The following ITPK1 variants were observed in gnomAD, a reference collection of about 807,000 sequenced individuals.
The protein encoded by ITPK1 is inositol-tetrakisphosphate 1-kinase, also known as inositol 1,3,4-trisphosphate 5/6-kinase.
In ITPK1, 21 loss-of-function variants were observed where a neutral mutation model predicts 45.3. That is an observed-to-expected ratio of 0.46 (90% CI 0.33 to 0.67). ITPK1 has a LOEUF of 0.67. Ranked by LOEUF, ITPK1 falls within the 30% of genes least tolerant of loss-of-function variation. The probability of loss-of-function intolerance (pLI) is 0.02; values close to 1 mark genes in which losing one functional copy is unlikely to be tolerated. For missense variants in ITPK1, 474 were observed against 573.5 expected (o/e 0.83, Z 1.77); for synonymous variants, 258 against 253.6 (o/e 1.02, Z -0.16).
At chr14:92,967,891 A>C (rs1885458436) in intron 5 of ITPK1, among the ~76,000 whole-genome samples, 1 of 152,222 alleles carries the variant, frequency 6.6e-6, no homozygotes, top group East Asian at 1.9e-4. Flanking sequence ...TTAATGGTTG[A>C]CAGGAGCTGG....
chr14:93,033,185 G>A (rs1157267299), intron 3 of ITPK1, among the ~76,000 whole-genome samples: 2 of 152,238 alleles, frequency 1.3e-5, no homozygotes, highest in African/African-American at 2.4e-5. Context: ...CTACAGGTGA[G>A]AGTAGGACCG....
intron 3 of ITPK1, among the ~76,000 whole-genome samples, chr14:93,054,132 G>C (rs1195650547): frequency 6.6e-6 from 1 of 152,178 alleles, no homozygotes; most frequent in African/African-American, 2.4e-5. Flanking sequence ...TGCTAGCCTG[G>C]GATTCACCCC....
At chr14:93,105,590 C>T (rs1450336394) in intron 2 of ITPK1, among the ~76,000 whole-genome samples, 4 of 149,338 alleles carry the variant, frequency 2.7e-5, no homozygotes, top group Admixed American at 1.3e-4. Context: ...GACGCAATCT[C>T]GGCTCACCAC....
intron 9 of ITPK1, among the ~76,000 whole-genome samples, chr14:92,948,777 C>T (rs1767273114): frequency 7.2e-6 from 1 of 138,724 alleles, no homozygotes; most frequent in African/African-American, 2.9e-5. Context: ...AAGCGCTGAG[C>T]AGGGACCCAC....
At chr14:93,089,101 C>T (rs868110301) in intron 2 of ITPK1, among the ~76,000 whole-genome samples, 1 of 152,210 alleles carries the variant, frequency 6.6e-6, no homozygotes, top group Non-Finnish European at 1.5e-5. Flanking sequence ...TGCCTCTCCA[C>T]CCAACCACCT....
intron 8 of ITPK1, among the ~76,000 whole-genome samples, chr14:92,956,588 C>A (rs1449832255): frequency 6.6e-6 from 1 of 152,068 alleles, no homozygotes; most frequent in Non-Finnish European, 1.5e-5. Flanking sequence ...CAGCATTTTG[C>A]AACCAGAAGG....
chr14:92,962,187 C>T (rs887779342), intron 7 of ITPK1, among the ~76,000 whole-genome samples, 168 bp downstream of exon 7: 1 of 152,216 alleles, frequency 6.6e-6, no homozygotes, highest in African/African-American at 2.4e-5. Context: ...AGCACTCCCG[C>T]TCGATTCCTC....
chr14:93,006,301 A>G (rs1047813847), intron 4 of ITPK1, among the ~76,000 whole-genome samples: 6 of 152,274 alleles, frequency 3.9e-5, no homozygotes, highest in African/African-American at 1.4e-4. Context: ...CGCCAACAAC[A>G]ACCCATCCCC....
chr14:92,985,558 G>A (rs1376122903), intron 5 of ITPK1, among the ~76,000 whole-genome samples: 1 of 151,626 alleles, frequency 6.6e-6, no homozygotes, highest in Non-Finnish European at 1.5e-5. Context: ...AAGCCCGCTT[G>A]TGTTACATGA....
chr14:93,016,667 C>G lies in ITPK1; in HGVS notation c.246+9G>C, dbSNP rs760510990. ...TGCCACAGCCAAGGGCTGCATGGTCCTCACTCACCTGGAACCTGTGCACCA... is the reference window on the plus strand; with the variant it reads ...TGCCACAGCCAAGGGCTGCATGGTCGTCACTCACCTGGAACCTGTGCACCA... On this transcript the variant is annotated intron_variant, in intron 4 of 10. Transcript: ENST00000267615. The surrounding 1 kb of genome is among the most constrained non-coding windows in gnomAD (Gnocchi z 5.0). 6.2e-7 allele frequency: 1 copy of G among 1,613,830 alleles called. No homozygotes were observed. Among genetic ancestry groups the G allele is most frequent in the East Asian group, 2.2e-5 (1 of 44,886 alleles).
intron 7 of ITPK1, 117 bp downstream of exon 7, chr14:92,962,238 C>T: frequency 1.2e-6 from 1 of 805,100 alleles, no homozygotes; most frequent in Non-Finnish European, 2.2e-6. Flanking sequence ...ACCAAGGAGC[C>T]AGGACTAACA....
At chr14:93,079,350 C>T (rs1173625874) in intron 2 of ITPK1, among the ~76,000 whole-genome samples, 1 of 152,224 alleles carries the variant, frequency 6.6e-6, no homozygotes, top group Non-Finnish European at 1.5e-5. Context: ...CCTTGAAGCT[C>T]ACCACTCACC....
chr14:92,991,002 GCCGGGGCAGGGGGGGTGACAA>G (rs1193084018), intron 5 of ITPK1, among the ~76,000 whole-genome samples: 19 of 151,902 alleles, frequency 1.3e-4, no homozygotes, highest in Admixed American at 2.6e-4. Context: ...CAGTCTTACT[GCCGGGGCAGGGGGGGTGACAA>G]CCGGGGCAGG....
chr14:92,957,637 A>T (rs572041880), intron 8 of ITPK1, among the ~76,000 whole-genome samples: 1 of 152,348 alleles, frequency 6.6e-6, no homozygotes, highest in East Asian at 1.9e-4. Flanking sequence ...CCACTGACTC[A>T]AAACACGCTC....
chr14:92,959,498 G>C (rs1181161788), intron 7 of ITPK1, among the ~76,000 whole-genome samples: 2 of 152,208 alleles, frequency 1.3e-5, no homozygotes, highest in Non-Finnish European at 2.9e-5. Context: ...GGGGCGTTGG[G>C]GGGCAGTGAA....
intron 5 of ITPK1, among the ~76,000 whole-genome samples, chr14:92,963,843 A>G (rs1308566090): frequency 6.6e-6 from 1 of 152,196 alleles, no homozygotes; most frequent in East Asian, 1.9e-4. Flanking sequence ...CTTCCCTGAT[A>G]AGACCACAAA....
Position 92,993,968 on chromosome 14 carries a change from G to A in ITPK1, c.276C>T (p.Ile92=), listed in dbSNP as rs138902553. 9.9e-6 allele frequency: 16 copies of A among 1,613,748 alleles called. No individual in the cohort carries two copies. The East Asian group carries it at 1.8e-4, about 18-fold the overall frequency. The change falls in exon 5 of 11, where the codon ATC becomes ATT. Residue 92 remains isoleucine (I), a synonymous_variant. Coordinates refer to ENST00000267615, the MANE Select transcript of ITPK1 (RefSeq NM_014216.6). The stretch of plus-strand genomic sequence containing the variant: ...TGATGGCAGGGAGCGGGTCCAGGAC[G>A]ATGGTCTCAGGGTGGGCATCGATGT... ...QEYIDAHPET[I]VLDPLPAIRT...
chr14:93,096,046 C>T (rs562181534), intron 2 of ITPK1, among the ~76,000 whole-genome samples: 64 of 152,246 alleles, frequency 4.2e-4, no homozygotes, highest in Non-Finnish European at 8.1e-4. Context: ...GCCTGGAAAG[C>T]GCTGAGAAAC....
chr14:93,060,228 TAGGTGCCTCACC>T (rs1251263258), intron 3 of ITPK1, among the ~76,000 whole-genome samples: 1 of 152,170 alleles, frequency 6.6e-6, no homozygotes, highest in Non-Finnish European at 1.5e-5. Flanking sequence ...TGCCAGGCTC[TAGGTGCCTCACC>T]AGCCCCCGCT....
Sources: allele counts gnomAD v4.1 joint callset (sites outside exome capture counted in the v4.1 genomes callset), GRCh38; gene constraint gnomAD v4.1.1; non-coding constraint Gnocchi (gnomAD v3.1); transcripts MANE v1.5; gene names NCBI Gene and HGNC (gene_info 2026-07-23, HGNC 2026-07-21).